TCEANC2: variants seen among roughly 807,000 people sequenced by gnomAD.
TCEANC2 encodes transcription elongation factor A N-terminal and central domain containing 2, also known as transcription elongation factor A N-terminal and central domain-containing protein 2.
In TCEANC2, 20 loss-of-function variants were observed where a neutral mutation model predicts 22.8. That is an observed-to-expected ratio of 0.88 (90% confidence interval 0.62 to 1.28). TCEANC2 has a LOEUF of 1.28. Among genes scored for constraint, TCEANC2 ranks in the 50% most tolerant of loss-of-function variants. The pLI is 0.00. For missense variants in TCEANC2, 251 were observed against 249.7 expected (o/e 1.01, Z -0.03); for synonymous variants, 84 against 95.5 (o/e 0.88, Z 0.70).
chr1:54,107,843 A>G (rs758629722), downstream of TCEANC2, among the ~76,000 whole-genome samples: 6 of 152,192 alleles, frequency 3.9e-5, no homozygotes, highest in Non-Finnish European at 7.3e-5. Flanking sequence ...GCGTATTGCT[A>G]TTCAACCATA....
intron 3 of TCEANC2, among the ~76,000 whole-genome samples, chr1:54,071,604 G>T (rs964123170): frequency 6.6e-6 from 1 of 152,162 alleles, no homozygotes; most frequent in African/African-American, 2.4e-5. Context: ...CATCAGTTTT[G>T]TCATATGCTA....
chr1:54,064,505 G>A (rs1657911769), intron 2 of TCEANC2, among the ~76,000 whole-genome samples: 1 of 152,100 alleles, frequency 6.6e-6, no homozygotes, highest in Non-Finnish European at 1.5e-5. Context: ...AGTAAATGAA[G>A]TAGTGGCCTG....
At chr1:54,091,947 C>T (rs1473191025) in intron 4 of TCEANC2, among the ~76,000 whole-genome samples, 2 of 152,166 alleles carry the variant, frequency 1.3e-5, no homozygotes, top group Non-Finnish European at 2.9e-5. Context: ...GGCTGGTTGG[C>T]TCAGTTGGTT....
chr1:54,091,098 CAA>C (rs1658438626), intron 4 of TCEANC2, among the ~76,000 whole-genome samples: 1 of 150,178 alleles, frequency 6.7e-6, no homozygotes, highest in African/African-American at 2.4e-5. Context: ...GTTTTGTTCC[CAA>C]AGAGTAAATT....
intron 3 of TCEANC2, among the ~76,000 whole-genome samples, chr1:54,078,317 G>A (rs929860023): frequency 3.3e-5 from 5 of 152,132 alleles, no homozygotes; most frequent in African/African-American, 9.7e-5. Flanking sequence ...GAGAGATGAA[G>A]TGACTTATCC....
intron 2 of TCEANC2, among the ~76,000 whole-genome samples, chr1:54,061,097 T>A (rs182605433): frequency 2.0e-5 from 3 of 152,338 alleles, no homozygotes; most frequent in Admixed American, 2.0e-4. Flanking sequence ...AACCATTCAA[T>A]GAGTGGTATG....
intron 2 of TCEANC2, among the ~76,000 whole-genome samples, chr1:54,067,824 C>T (rs1569999547): frequency 6.6e-6 from 1 of 152,188 alleles, no homozygotes; most frequent in East Asian, 1.9e-4. Flanking sequence ...AATAAACACA[C>T]CAGCATCCAG....
In TCEANC2 at chr1:54,098,703, G is replaced by A; in HGVS notation, c.*2230G>A. 6.6e-6 allele frequency: 1 copy of A among 152,354 alleles called. No homozygotes were observed. Among genetic ancestry groups the A allele is most frequent in the South Asian group, 2.1e-4 (1 of 4,828 alleles). The allele number at this position is 152,354 out of a possible 1,614,324, so 9.4% of individuals were successfully genotyped here. A position where few individuals can be genotyped will look rare whatever the true frequency, so the allele number is the denominator to read the frequency against. Reference sequence around the variant, plus strand: ...ATAACTATTTATTGGATAGTTGAGTGACTGGTTGTGGATGTACAGTATAAG... The same window carrying A: ...ATAACTATTTATTGGATAGTTGAGTAACTGGTTGTGGATGTACAGTATAAG... On this transcript the variant is annotated 3_prime_UTR_variant, in exon 5 of 5. Transcript: ENST00000234827.
intron 2 of TCEANC2, among the ~76,000 whole-genome samples, chr1:54,060,731 G>A (rs1183812931): frequency 6.6e-6 from 1 of 152,034 alleles, no homozygotes; most frequent in Non-Finnish European, 1.5e-5. Context: ...CCTGAGGTCA[G>A]GAGTTTGAGA....
downstream of TCEANC2, among the ~76,000 whole-genome samples, chr1:54,110,280 A>G (rs1658819658): frequency 6.6e-6 from 1 of 152,164 alleles, no homozygotes; most frequent in African/African-American, 2.4e-5. Context: ...AATATACTGC[A>G]GGTCATGTCA....
rs2100395417 is a variant in TCEANC2, at chr1:54,103,530, C to G, written c.*7057C>G. ...TCCAATCACTTCCCACCATGTCCCTCCCTCAACACGTGGGGATTATAATTC... is the reference window on the plus strand; with the variant it reads ...TCCAATCACTTCCCACCATGTCCCTGCCTCAACACGTGGGGATTATAATTC... On this transcript the variant is annotated 3_prime_UTR_variant, in exon 5 of 5. Transcript: ENST00000234827. The G allele has an allele frequency of 6.6e-6, 1 of 152,358 alleles. No homozygotes were observed. The highest frequency in any genetic ancestry group is 2.4e-5 in the African/African-American group (1 of 41,572). The allele number at this position is 152,358 out of a possible 1,614,324, so 9.4% of individuals were successfully genotyped here.
Position 54,088,616 on chromosome 1 carries a change from G to A in TCEANC2, c.264G>A (p.Met88Ile). The A allele has an allele frequency of 1.2e-6, 2 of 1,603,342 alleles. No individual in the cohort carries two copies. Among genetic ancestry groups the A allele is most frequent in the East Asian group, 4.5e-5 (2 of 44,592 alleles). Residue 88 changes from methionine to isoleucine, a missense_variant, in exon 4 of 5, where the codon ATG becomes ATA. Met to Ile is a conservative substitution (Grantham distance 10, BLOSUM62 1). Transcript: ENST00000234827. ...TTCCAGGTCACACTGTGAACAAGATGCGTAAACACTCAGATTCAGAAGTGG... is the reference window on the plus strand; with the variant it reads ...TTCCAGGTCACACTGTGAACAAGATACGTAAACACTCAGATTCAGAAGTGG... ...STRIGHTVNK[M>I]RKHSDSEVAS...
In TCEANC2 at chr1:54,096,665, G is replaced by A; in HGVS notation, c.*192G>A. 7.8e-7 allele frequency: 1 copy of A among 1,285,150 alleles called. No individual in the cohort carries two copies. The highest frequency in any genetic ancestry group is 1.5e-5 in the African/African-American group (1 of 67,458). 79.6% of individuals were successfully genotyped at this position (1,285,150 alleles called of 1,614,324 possible). A position where few individuals can be genotyped will look rare whatever the true frequency, so the allele number is the denominator to read the frequency against. On this transcript the variant is annotated 3_prime_UTR_variant, in exon 5 of 5. Transcript: ENST00000234827. The surrounding 1 kb of genome is among the most constrained non-coding windows in gnomAD (Gnocchi z 4.9). ...CCTGCAGGAATGTGCTTCATTAGCT[G>A]CAGTGCGCTGGTGCTGCCTAACAGA...
chr1:54,064,663 C>T (rs898004671), intron 2 of TCEANC2, among the ~76,000 whole-genome samples: 6 of 149,076 alleles, frequency 4.0e-5, no homozygotes, highest in Non-Finnish European at 7.4e-5. Context: ...ACTAGGCAAG[C>T]GACCGGTTTT....
At chr1:54,054,567 A>T in intron 2 of TCEANC2, 43 bp downstream of exon 2, 1 of 1,568,554 alleles carries the variant, frequency 6.4e-7, no homozygotes, top group Non-Finnish European at 8.6e-7. Flanking sequence ...CAAAGGACTG[A>T]TAGCAAGGTG....
chr1:54,104,591 G>T lies in TCEANC2; in HGVS notation c.*8118G>T. 3 of 454,128 alleles carry T rather than the reference G, an allele frequency of 6.6e-6. No homozygotes were observed. The highest frequency in any genetic ancestry group is 1.3e-5 in the Non-Finnish European group (3 of 225,504). The allele number at this position is 454,128 out of a possible 1,614,324, so 28.1% of individuals were successfully genotyped here. A position where few individuals can be genotyped will look rare whatever the true frequency, so the allele number is the denominator to read the frequency against. ...GGTGGAGTCTCTGTCACCCAGGCTGGAGTGCAGTGGCACCATCTCGGCTCA... is the reference window on the plus strand; with the variant it reads ...GGTGGAGTCTCTGTCACCCAGGCTGTAGTGCAGTGGCACCATCTCGGCTCA... On this transcript the variant is annotated 3_prime_UTR_variant, in exon 5 of 5. Coordinates refer to ENST00000234827, the MANE Select transcript of TCEANC2 (RefSeq NM_153035.3).
downstream of TCEANC2, among the ~76,000 whole-genome samples, chr1:54,107,428 T>C (rs1208785472): frequency 3.9e-5 from 6 of 152,140 alleles, no homozygotes; most frequent in African/African-American, 1.4e-4. Flanking sequence ...ATTTTCCCAC[T>C]ATGAAGTTGT....
intron 4 of TCEANC2, among the ~76,000 whole-genome samples, chr1:54,092,375 A>G (rs1470006545): frequency 1.3e-5 from 2 of 152,240 alleles, no homozygotes; most frequent in African/African-American, 4.8e-5. Flanking sequence ...TGATGGGGGA[A>G]TCTGGGAATG....
intron 2 of TCEANC2, among the ~76,000 whole-genome samples, chr1:54,056,715 T>A (rs1478948673): frequency 6.6e-6 from 1 of 151,984 alleles, no homozygotes; most frequent in Non-Finnish European, 1.5e-5. Flanking sequence ...TGTGTGATGA[T>A]GAAAATAAAT....
Sources: allele counts gnomAD v4.1 joint callset (sites outside exome capture counted in the v4.1 genomes callset), GRCh38; gene constraint gnomAD v4.1.1; non-coding constraint Gnocchi (gnomAD v3.1); transcripts MANE v1.5; gene names NCBI Gene and HGNC (gene_info 2026-07-23, HGNC 2026-07-21).